The following INPPL1 variants were observed in gnomAD, a reference collection of about 807,000 sequenced individuals.
INPPL1 encodes phosphatidylinositol 3,4,5-trisphosphate 5-phosphatase 2.
In INPPL1, 91 loss-of-function variants were observed where a neutral mutation model predicts 139.3. The ratio of observed to expected loss-of-function variants is 0.65; its 90% confidence interval spans 0.55 to 0.78. INPPL1 has a LOEUF of 0.78. Among genes scored for constraint, INPPL1 ranks in the 30% least tolerant of loss-of-function variants. INPPL1 has a pLI of 0.00. For synonymous variants in INPPL1, 719 were observed against 686.6 expected (o/e 1.05, Z -0.74); for missense variants, 1,411 against 1,665.6 (o/e 0.85, Z 2.66).
intron 1 of INPPL1, chr11:72,225,503 C>T: frequency 1.0e-6 from 1 of 985,350 alleles, no homozygotes. Flanking sequence ...ATGTGCATTC[C>T]ACGTTGTGTG....
At chr11:72,229,866 CTCCCTGCCCCAGCCTTCAGTGTG>C in intron 7 of INPPL1, 35 bp from the exon 8 acceptor site, 1 of 1,578,362 alleles carries the variant, frequency 6.3e-7, no homozygotes, top group East Asian at 2.3e-5. Context: ...AATTGTGTCC[CTCCCTGCCCCAGCCTTCAGTGTG>C]TCCCCTGACC....
chr11:72,232,016 C>A (rs550996616), intron 13 of INPPL1, among the ~76,000 whole-genome samples: 2 of 152,116 alleles, frequency 1.3e-5, no homozygotes, highest in African/African-American at 4.8e-5. Context: ...GGGCTCTGCT[C>A]ACACATACAG....
rs777063992 is a variant in INPPL1 at position 72,238,185 on chromosome 11, G to A, written c.3686+10G>A. The stretch of plus-strand genomic sequence containing the variant: ...ACCTGGAGTTTCTCAGGTGGGGGAG[G>A]GGCTGGCCCCGGGGGCGGAGCTGGG... On this transcript the variant is annotated intron_variant, in intron 27 of 27. Coordinates refer to ENST00000298229, the MANE Select transcript of INPPL1 (RefSeq NM_001567.4). 1.2e-6 allele frequency: 2 copies of A among 1,609,460 alleles called. No individual in the cohort carries two copies. Among genetic ancestry groups the A allele is most frequent in the Non-Finnish European group, 1.7e-6 (2 of 1,177,826 alleles).
At chr11:72,236,175 A>G (rs915313575) in intron 25 of INPPL1, among the ~76,000 whole-genome samples, 189 bp downstream of exon 25, 2 of 152,224 alleles carry the variant, frequency 1.3e-5, no homozygotes, top group African/African-American at 2.4e-5. Flanking sequence ...CTCTGAGTCA[A>G]AGGGAGCAGT....
intron 8 of INPPL1, 26 bp from the exon 9 acceptor site, chr11:72,230,095 C>G (rs767207284): frequency 1.2e-6 from 2 of 1,611,644 alleles, no homozygotes; most frequent in South Asian, 2.2e-5. Context: ...AAGGTCTTGT[C>G]AGCAGCCTCC....
rs775581865 is a variant in INPPL1, at chr11:72,234,666, T to C, written c.2415+51T>C. 2.2e-6 allele frequency: 3 copies of C among 1,341,092 alleles called. No individual in the cohort carries two copies. In the East Asian group the frequency reaches 6.9e-5, roughly 31 times the overall value. 83.1% of individuals were successfully genotyped at this position (1,341,092 alleles called of 1,614,324 possible). A position where few individuals can be genotyped will look rare whatever the true frequency, so the allele number is the denominator to read the frequency against. ...TTATGGGTGAGGGCACAGAGAGGGG[T>C]ACATAAGAGTTTATTGGAGAGCCTG... On this transcript the variant is annotated intron_variant, in intron 21 of 27. Coordinates refer to ENST00000298229, the MANE Select transcript of INPPL1 (RefSeq NM_001567.4). This position sits in a 1 kb window ranked among gnomAD's most constrained non-coding sequence, Gnocchi z 4.2.
At chr11:72,225,532 G>T (rs77987571) in intron 1 of INPPL1, 20,616 of 985,334 alleles carry the variant, frequency 0.021, 298 homozygotes, top group African/African-American at 0.073. Flanking sequence ...TTTGGATAGG[G>T]ACTGAGTGGT....
chr11:72,234,304 G>A lies in INPPL1; in HGVS notation c.2236G>A (p.Ala746Thr). Residue 746 changes from alanine (A) to threonine (T), a missense_variant, in exon 20 of 28, where the codon GCC (alanine) becomes ACC (threonine). Around this residue, in one of 5 missense-constraint regions of INPPL1, gnomAD observed 363 missense variants for 446.2 expected, o/e 0.81. Coordinates refer to ENST00000298229, the MANE Select transcript of INPPL1 (RefSeq NM_001567.4). The surrounding 1 kb of genome is among the most constrained non-coding windows in gnomAD (Gnocchi z 4.2). ...KKGLSKTSDQ[A>T]YIEFESIEAI... The stretch of plus-strand genomic sequence containing the variant: ...AGGGCTCTCAAAGACTTCAGACCAG[G>A]CCTACATTGAGTTTGAGAGCATCGA... 1 of 1,613,966 alleles carries A rather than the reference G, an allele frequency of 6.2e-7. No individual in the cohort carries two copies. The highest frequency in any genetic ancestry group is 8.5e-7 in the Non-Finnish European group (1 of 1,179,904).
intron 14 of INPPL1, 87 bp from the exon 15 acceptor site, chr11:72,232,539 T>C: frequency 6.6e-7 from 1 of 1,507,242 alleles, no homozygotes. Context: ...CCCTGACTCC[T>C]GAGACTTCTT....
chr11:72,225,755 T>G (rs1203855158), intron 1 of INPPL1, among the ~76,000 whole-genome samples: 1 of 152,288 alleles, frequency 6.6e-6, no homozygotes, highest in East Asian at 1.9e-4. Context: ...GAGTGAGTGT[T>G]TGAGCCCTGG....
chr11:72,237,426 C>T lies in INPPL1; in HGVS notation c.3182C>T (p.Ser1061Leu), dbSNP rs901724118. 2 of 1,611,270 alleles carry T rather than the reference C, an allele frequency of 1.2e-6. No individual in the cohort carries two copies. The highest frequency in any genetic ancestry group is 2.2e-5 in the East Asian group (1 of 44,796). The change falls in exon 26 of 28, where the codon TCA becomes TTA. Residue 1061 changes from serine (S) to leucine (L), a missense_variant. Physicochemically the swap from Ser to Leu is moderately radical, Grantham distance 145. Around this residue, in one of 5 missense-constraint regions of INPPL1, gnomAD observed 438 missense variants for 425.7 expected, o/e 1.03. Transcript: ENST00000298229. ...PDFPPPPLPD[S>L]AIFLPPSLDP... ...TTTCCACCTCCACCACTGCCGGACTCAGCCATCTTCCTGCCCCCCAGCCTG... is the reference window on the plus strand; with the variant it reads ...TTTCCACCTCCACCACTGCCGGACTTAGCCATCTTCCTGCCCCCCAGCCTG...
Position 72,229,918 on chromosome 11 carries a change from C to T in INPPL1, c.844-6C>T. 6.2e-7 allele frequency: 1 copy of T among 1,613,930 alleles called. No individual in the cohort carries two copies. Among genetic ancestry groups the T allele is most frequent in the South Asian group, 1.1e-5 (1 of 91,066 alleles). Reference sequence around the variant, plus strand: ...CCTGACCCCGCCCTGCCCTTGTTCCCTCCAGGCCCTGAAGGCCCTACAGGA... The same window carrying T: ...CCTGACCCCGCCCTGCCCTTGTTCCTTCCAGGCCCTGAAGGCCCTACAGGA... On this transcript the variant is annotated splice_polypyrimidine_tract_variant and splice_region_variant and intron_variant, in intron 7 of 27. Transcript: ENST00000298229.
At chr11:72,226,330 G>T (rs547939252) in intron 1 of INPPL1, among the ~76,000 whole-genome samples, 1 of 151,864 alleles carries the variant, frequency 6.6e-6, no homozygotes, top group Non-Finnish European at 1.5e-5. Context: ...ACAGGCGCTC[G>T]CCACCAAGCC....
chr11:72,237,604 C>G lies in INPPL1; in HGVS notation c.3360C>G (p.Ser1120=). The G allele has an allele frequency of 6.2e-7, 1 of 1,603,442 alleles. No individual in the cohort carries two copies. The highest frequency in any genetic ancestry group is 8.5e-7 in the Non-Finnish European group (1 of 1,173,194). The change falls in exon 26 of 28, where the codon TCC becomes TCG. Residue 1120 remains serine, a synonymous_variant. Transcript: ENST00000298229. ...LGEVASGDDR[S]CSVLQMAKTL... ...AAGTGGCCAGTGGGGATGACCGGTC[C>G]TGCTCGGTGCTGCAGATGGCCAAGA...
At chr11:72,231,849 T>C (rs1189699632) in intron 13 of INPPL1, among the ~76,000 whole-genome samples, 2 of 152,178 alleles carry the variant, frequency 1.3e-5, no homozygotes, top group East Asian at 1.9e-4. Context: ...CCCAGAGTGG[T>C]TGAGTGACCT....
In INPPL1 at chr11:72,231,048, G is replaced by A. The variant is rs1366159044; in HGVS notation, c.1356G>A (p.Gly452=). ...CCTGGTTCACATCGAAGGGTCTGGG[G>A]AAGACCCTGGACGAGGTCACAGTGA... ...VTSWFTSKGL[G]KTLDEVTVTI... The change falls in exon 12 of 28, where the codon GGG becomes GGA. Residue 452 remains glycine (G), a synonymous_variant. Coordinates refer to ENST00000298229, the MANE Select transcript of INPPL1 (RefSeq NM_001567.4). 1.2e-6 allele frequency: 2 copies of A among 1,614,140 alleles called. No individual in the cohort carries two copies. The highest frequency in any genetic ancestry group is 1.3e-5 in the African/African-American group (1 of 75,042).
intron 1 of INPPL1, among the ~76,000 whole-genome samples, chr11:72,226,458 G>A (rs1448196871): frequency 6.6e-6 from 1 of 152,138 alleles, no homozygotes; most frequent in Non-Finnish European, 1.5e-5. Flanking sequence ...TAGGATTACA[G>A]GTGGAGCCAC....
intron 1 of INPPL1, 197 bp from the exon 2 acceptor site, chr11:72,227,993 T>TTAAAAAACAG: frequency 1.6e-6 from 1 of 606,566 alleles, no homozygotes. Flanking sequence ...GTTCTGGTCA[T>TTAAAAAACAG]TCCTGCCCAA....
chr11:72,225,280 T>G, intron 1 of INPPL1, 114 bp downstream of exon 1: 1 of 1,220,624 alleles, frequency 8.2e-7, no homozygotes, highest in Non-Finnish European at 1.0e-6. Flanking sequence ...CAGACCCGCC[T>G]CCACCCCCCA....
Sources: gnomAD v4.1 joint callset for allele counts (sites outside exome capture counted in the v4.1 genomes callset) on GRCh38, gnomAD v4.1.1 for gene constraint, gnomAD v4.1.1 regional missense constraint, Gnocchi (gnomAD v3.1) non-coding constraint, MANE v1.5 for transcripts, NCBI Gene and HGNC (gene_info 2026-07-23, HGNC 2026-07-21) for gene names.